Variants in KCNAB1 observed in about 807,000 individuals in gnomAD.
KCNAB1 encodes potassium voltage-gated channel subfamily A regulatory beta subunit 1, also known as voltage-gated potassium channel subunit beta-1.
Under a neutral mutation model 64.6 loss-of-function variants are expected in KCNAB1, and 35 were observed. That is an observed-to-expected ratio of 0.54 (90% CI 0.41 to 0.72). The LOEUF (loss-of-function observed/expected upper bound fraction) is 0.72. Ranked by LOEUF, KCNAB1 falls within the 30% of genes least tolerant of loss-of-function variation. The pLI, the probability that KCNAB1 is intolerant of heterozygous loss-of-function variation, is 0.00. For missense variants in KCNAB1, 401 were observed against 512.9 expected (o/e 0.78, Z 2.11); for synonymous variants, 177 against 183.8 (o/e 0.96, Z 0.30).
At chr3:156,360,794 A>T (rs1481384776) in intron 1 of KCNAB1, among the ~76,000 whole-genome samples, 1 of 152,000 alleles carries the variant, frequency 6.6e-6, no homozygotes, top group East Asian at 1.9e-4. Context: ...CTTCTGCCTA[A>T]CATCTAATCT....
At chr3:156,358,153 C>A (rs190279432) in intron 1 of KCNAB1, among the ~76,000 whole-genome samples, 1 of 152,280 alleles carries the variant, frequency 6.6e-6, no homozygotes, top group South Asian at 2.1e-4. Context: ...ATCAATGAAT[C>A]CTTTTCATCT....
chr3:156,455,712 C>G (rs1264553382), intron 3 of KCNAB1, among the ~76,000 whole-genome samples: 1 of 152,146 alleles, frequency 6.6e-6, no homozygotes, highest in Non-Finnish European at 1.5e-5. Context: ...CCGCCTCAGT[C>G]TGTGACTCCC....
chr3:156,331,683 C>T (rs1723340451), intron 1 of KCNAB1, among the ~76,000 whole-genome samples: 1 of 151,692 alleles, frequency 6.6e-6, no homozygotes, highest in African/African-American at 2.4e-5. Context: ...TAGTGGTGGG[C>T]ATTTTGCTGC....
chr3:156,126,398 T>C (rs1452119529), intron 1 of KCNAB1, among the ~76,000 whole-genome samples: 1 of 151,830 alleles, frequency 6.6e-6, no homozygotes, highest in Non-Finnish European at 1.5e-5. Context: ...GGGGGGAAAT[T>C]TGTAGGAGAA....
chr3:156,412,552 G>A (rs1714740284), intron 1 of KCNAB1, among the ~76,000 whole-genome samples: 1 of 152,232 alleles, frequency 6.6e-6, no homozygotes, highest in African/African-American at 2.4e-5. Flanking sequence ...CTTCCATGGT[G>A]CTAAGTATTA....
intron 1 of KCNAB1, among the ~76,000 whole-genome samples, chr3:156,144,972 A>C (rs865888851): frequency 1.7e-4 from 26 of 152,198 alleles, no homozygotes; most frequent in African/African-American, 6.3e-4. Flanking sequence ...GTGAAAGCAA[A>C]GCTGCCTCAG....
chr3:156,207,755 T>TA (rs1171299816), intron 1 of KCNAB1, among the ~76,000 whole-genome samples: 2 of 152,174 alleles, frequency 1.3e-5, no homozygotes, highest in Admixed American at 1.3e-4. Flanking sequence ...AAGCAGGTCT[T>TA]CCCGTTGCAC....
intron 8 of KCNAB1, among the ~76,000 whole-genome samples, chr3:156,499,704 C>A (rs940809087): frequency 1.2e-4 from 18 of 152,128 alleles, no homozygotes; most frequent in African/African-American, 4.3e-4. Context: ...CCTCCTGAAC[C>A]TGATTTTTTC....
At chr3:156,159,943 C>T (rs574126362) in intron 1 of KCNAB1, among the ~76,000 whole-genome samples, 1 of 152,268 alleles carries the variant, frequency 6.6e-6, no homozygotes, top group Non-Finnish European at 1.5e-5. Context: ...TAAGAGCAGT[C>T]CAGTAGAAGA....
In KCNAB1 at chr3:156,459,868, G is replaced by A; in HGVS notation, c.479G>A (p.Trp160Ter). 6.2e-7 allele frequency: 1 copy of A among 1,606,292 alleles called. No homozygotes were observed. The highest frequency in any genetic ancestry group is 8.5e-7 in the Non-Finnish European group (1 of 1,173,392). ...ILGSIIKKKG[W>*]RRSSLVITTK... ...GGGAGCATCATCAAGAAGAAAGGCT[G>A]GAGGTATTGCATTCGCCATAATTAT... The change falls in exon 5 of 14, where the codon TGG (tryptophan) becomes TAG (stop). Residue 160 changes from tryptophan to a stop codon, truncating the protein, a stop_gained. Coordinates refer to ENST00000490337, the MANE Select transcript of KCNAB1 (RefSeq NM_172160.3). LOFTEE classifies it high-confidence loss of function.
At chr3:156,527,921 G>A (rs1718436558) in intron 12 of KCNAB1, among the ~76,000 whole-genome samples, 2 of 152,132 alleles carry the variant, frequency 1.3e-5, no homozygotes. Context: ...CAGGCACTCT[G>A]GACATACTTG....
chr3:156,423,578 G>A (rs1404010574), intron 2 of KCNAB1, among the ~76,000 whole-genome samples: 1 of 152,226 alleles, frequency 6.6e-6, no homozygotes, highest in African/African-American at 2.4e-5. Context: ...AGGCCACACA[G>A]TGACAAGATA....
chr3:156,220,288 G>A lies in KCNAB1; in HGVS notation c.275+99402G>A, dbSNP rs191959501. Reference sequence around the variant, plus strand: ...TCTAGTTCTAGATCCTTGAGGAATCGCCACACTGTCTTCCACAATGGTTGA... The same window carrying A: ...TCTAGTTCTAGATCCTTGAGGAATCACCACACTGTCTTCCACAATGGTTGA... On this transcript the variant is annotated intron_variant, in intron 1 of 13. Coordinates refer to ENST00000490337, the MANE Select transcript of KCNAB1 (RefSeq NM_172160.3). Among the ~76,000 whole-genome samples, 993 of 152,212 alleles carry A rather than the reference G, an allele frequency of 6.5e-3. 4 individuals are homozygous for A. The highest frequency in any genetic ancestry group is 0.014 in the Middle Eastern group (4 of 294).
intron 1 of KCNAB1, among the ~76,000 whole-genome samples, chr3:156,412,451 A>G (rs1239987976): frequency 6.6e-6 from 1 of 152,250 alleles, no homozygotes; most frequent in Non-Finnish European, 1.5e-5. Flanking sequence ...ATAAAATAAT[A>G]TCTAACTGTG....
intron 13 of KCNAB1, among the ~76,000 whole-genome samples, chr3:156,535,044 C>A (rs925951867): frequency 1.3e-5 from 2 of 151,992 alleles, no homozygotes; most frequent in African/African-American, 4.8e-5. Context: ...AATCCAGTTT[C>A]TAGGTTTTTG....
At chr3:156,147,056 G>GT (rs1553808648) in intron 1 of KCNAB1, among the ~76,000 whole-genome samples, 3 of 152,172 alleles carry the variant, frequency 2.0e-5, no homozygotes, top group Non-Finnish European at 4.4e-5. Context: ...AAAAAACAGT[G>GT]CCAAGAAAGA....
intron 1 of KCNAB1, among the ~76,000 whole-genome samples, chr3:156,312,738 A>C (rs1377891523): frequency 6.6e-6 from 1 of 151,304 alleles, no homozygotes; most frequent in Non-Finnish European, 1.5e-5. Context: ...AAAACTCATA[A>C]TAATGAAATT....
intron 1 of KCNAB1, among the ~76,000 whole-genome samples, chr3:156,242,094 C>A (rs1038233882): frequency 6.6e-6 from 1 of 152,146 alleles, no homozygotes; most frequent in African/African-American, 2.4e-5. Flanking sequence ...TATTCTGAAA[C>A]GTTATCGTGA....
intron 1 of KCNAB1, among the ~76,000 whole-genome samples, chr3:156,318,474 G>A (rs945771944): frequency 2.0e-5 from 3 of 152,068 alleles, no homozygotes; most frequent in African/African-American, 7.2e-5. Context: ...GTTGGAATAT[G>A]GACCCTATGC....
Sources: allele counts gnomAD v4.1 joint callset (sites outside exome capture counted in the v4.1 genomes callset), GRCh38; gene constraint gnomAD v4.1.1; transcripts MANE v1.5; gene names NCBI Gene and HGNC (gene_info 2026-07-23, HGNC 2026-07-21).